SHANK2: variants seen among roughly 807,000 people sequenced by gnomAD.
The protein encoded by SHANK2 is SH3 and multiple ankyrin repeat domains protein 2.
SHANK2 carries 43 observed loss-of-function variants against 133.7 expected under a neutral mutation model. The observed-to-expected ratio is 0.32, with a 90% CI of 0.25 to 0.41. The LOEUF (loss-of-function observed/expected upper bound fraction) is 0.41. SHANK2 is among the 10% of genes least tolerant of loss of function. The pLI, the probability that SHANK2 is intolerant of heterozygous loss-of-function variation, is 1.00. For missense variants in SHANK2, 1,994 were observed against 2,235.8 expected, an observed-to-expected ratio of 0.89 and a Z score of 2.18; for synonymous variants, 1,017 against 952.8, an observed-to-expected ratio of 1.07 and a Z score of -1.24.
intron 2 of SHANK2, among the ~76,000 whole-genome samples, chr11:71,208,634 G>C (rs141838807): frequency 6.6e-6 from 1 of 151,936 alleles, no homozygotes; most frequent in Admixed American, 6.5e-5. Flanking sequence ...GGAGACCAAC[G>C]AGCAGTCTCT....
At chr11:70,826,768 G>T (rs1948646757) in intron 11 of SHANK2, 1 of 303,446 alleles carries the variant, frequency 3.3e-6, no homozygotes, top group Admixed American at 4.2e-5. Flanking sequence ...ACCTCTCGCG[G>T]CGCGCGTCAT....
At chr11:70,764,036 G>T (rs1294930972) in intron 14 of SHANK2, among the ~76,000 whole-genome samples, 3 of 140,560 alleles carry the variant, frequency 2.1e-5, no homozygotes, top group Non-Finnish European at 4.7e-5. Context: ...CAAACTATCT[G>T]ATTATTAAGT....
intron 14 of SHANK2, among the ~76,000 whole-genome samples, chr11:70,699,214 T>C (rs552401977): frequency 6.6e-6 from 1 of 152,080 alleles, no homozygotes; most frequent in Non-Finnish European, 1.5e-5. Context: ...AGAACATTTA[T>C]TGTCATTTTC....
intron 11 of SHANK2, chr11:70,863,714 A>T (rs1270271241): frequency 4.7e-6 from 2 of 429,356 alleles, no homozygotes; most frequent in South Asian, 3.4e-5. Context: ...CGGCCTCTTT[A>T]TTTGGAGATG....
At chr11:70,611,774 G>C (rs2060660499) in intron 17 of SHANK2, among the ~76,000 whole-genome samples, 1 of 152,158 alleles carries the variant, frequency 6.6e-6, no homozygotes, top group African/African-American at 2.4e-5. Flanking sequence ...GAATTTCTAG[G>C]TAGTCAAGCA....
At chr11:71,228,306 A>C (rs1555122545) in intron 1 of SHANK2, among the ~76,000 whole-genome samples, 1 of 152,270 alleles carries the variant, frequency 6.6e-6, no homozygotes, top group African/African-American at 2.4e-5. Context: ...TTTAGACCTA[A>C]ATGAGTTCAC....
intron 17 of SHANK2, among the ~76,000 whole-genome samples, chr11:70,595,360 C>G (rs2060385621): frequency 6.6e-6 from 1 of 152,212 alleles, no homozygotes; most frequent in African/African-American, 2.4e-5. Flanking sequence ...TACGCAGCAC[C>G]ATCTGCAGCA....
intron 15 of SHANK2, among the ~76,000 whole-genome samples, chr11:70,673,137 C>T (rs1403513075): frequency 6.6e-6 from 1 of 152,074 alleles, no homozygotes; most frequent in Non-Finnish European, 1.5e-5. Context: ...GTTTTAAAAC[C>T]AAGATGGTCC....
chr11:70,873,567 T>C (rs571421498), intron 11 of SHANK2, among the ~76,000 whole-genome samples: 2 of 152,164 alleles, frequency 1.3e-5, no homozygotes, highest in Non-Finnish European at 2.9e-5. Flanking sequence ...TCGGGGCTTC[T>C]TCAGGAGAGA....
Position 71,175,584 on chromosome 11 carries a change from G to C in SHANK2, c.-12-28246C>G, listed in dbSNP as rs940120011. Among the ~76,000 whole-genome samples the C allele has an allele frequency of 1.2e-4, 18 of 147,614 alleles. 1 individual carries two copies. Among genetic ancestry groups the C allele is most frequent in the South Asian group, 4.4e-4 (2 of 4,582 alleles). The stretch of plus-strand genomic sequence containing the variant: ...AGAGAGAGAGAGAGAGAGAGAGAGA[G>C]AGAGAGAGAGAGAGAGAGACAGAGA... On this transcript the variant is annotated intron_variant, in intron 2 of 25. Transcript: ENST00000601538. This position sits in a 1 kb window ranked among gnomAD's most constrained non-coding sequence, Gnocchi z 4.2.
At chr11:70,878,100 G>C (rs1949598612) in intron 11 of SHANK2, among the ~76,000 whole-genome samples, 1 of 152,236 alleles carries the variant, frequency 6.6e-6, no homozygotes, top group Non-Finnish European at 1.5e-5. Flanking sequence ...GGGGGTCCCA[G>C]ACACAGGAAG....
At chr11:70,638,198 C>CG (rs1555005039) in intron 17 of SHANK2, among the ~76,000 whole-genome samples, 2 of 152,174 alleles carry the variant, frequency 1.3e-5, no homozygotes, top group East Asian at 1.9e-4. Flanking sequence ...CTACAGAGTC[C>CG]GGGGGGAACA....
intron 17 of SHANK2, among the ~76,000 whole-genome samples, chr11:70,636,114 A>T (rs531158715): frequency 2.2e-4 from 34 of 152,188 alleles, no homozygotes; most frequent in Non-Finnish European, 4.0e-4. Flanking sequence ...GCCTTCCCTG[A>T]CCACTCTGTC....
chr11:71,133,985 T>C (rs1195554216), intron 3 of SHANK2, among the ~76,000 whole-genome samples: 3 of 151,190 alleles, frequency 2.0e-5, no homozygotes, highest in African/African-American at 7.3e-5. Context: ...TCCCCCTGCC[T>C]GAGCCTTCTG....
chr11:70,637,178 G>T (rs1317760384), intron 17 of SHANK2, among the ~76,000 whole-genome samples: 1 of 152,134 alleles, frequency 6.6e-6, no homozygotes, highest in Non-Finnish European at 1.5e-5. Flanking sequence ...TCCATTCACA[G>T]CACAGCCACA....
intron 10 of SHANK2, among the ~76,000 whole-genome samples, chr11:70,897,299 C>A (rs1257221212): frequency 6.6e-6 from 1 of 152,124 alleles, no homozygotes; most frequent in Non-Finnish European, 1.5e-5. Context: ...GGGCTCAGGG[C>A]AATACATATA....
chr11:70,781,812 C>T (rs7935046), intron 14 of SHANK2, among the ~76,000 whole-genome samples: 104,920 of 141,640 alleles, frequency 0.74, 40,894 homozygotes, highest in East Asian at 0.98. Context: ...CACATGCACA[C>T]GTATGTTTAT....
intron 21 of SHANK2, among the ~76,000 whole-genome samples, chr11:70,498,272 C>T (rs1332863724): frequency 2.0e-5 from 3 of 152,250 alleles, no homozygotes; most frequent in African/African-American, 4.8e-5. Context: ...ACATCTGCAG[C>T]GCCAGATGTT....
intron 6 of SHANK2, among the ~76,000 whole-genome samples, chr11:71,098,707 G>T (rs1452347833): frequency 1.3e-5 from 2 of 152,196 alleles, no homozygotes; most frequent in South Asian, 4.1e-4. Flanking sequence ...CAACCACATT[G>T]ATAGAAATAA....
Sources: gnomAD v4.1 joint callset for allele counts (sites outside exome capture counted in the v4.1 genomes callset) on GRCh38, gnomAD v4.1.1 for gene constraint, Gnocchi (gnomAD v3.1) non-coding constraint, MANE v1.5 for transcripts, NCBI Gene and HGNC (gene_info 2026-07-23, HGNC 2026-07-21) for gene names.